NRXN1: variants seen among roughly 807,000 people sequenced by gnomAD.
NRXN1 encodes the protein neurexin-1.
A neutral mutation model predicts 150.9 loss-of-function variants in NRXN1; 39 were observed. The ratio of observed to expected loss-of-function variants is 0.26; its 90% CI spans 0.20 to 0.34. The LOEUF (loss-of-function observed/expected upper bound fraction) is 0.34, where lower values mean the gene tolerates loss of function less well. Ranked by LOEUF, NRXN1 falls within the 10% of genes least tolerant of loss-of-function variation. NRXN1 has a pLI of 1.00. For missense variants in NRXN1, 1,815 were observed against 1,949.9 expected (o/e 0.93, Z 1.30); for synonymous variants, 924 against 757.0 (o/e 1.22, Z -3.62).
intron 19 of NRXN1, among the ~76,000 whole-genome samples, chr2:50,072,670 C>A (rs78526753): frequency 0.012 from 1,784 of 150,288 alleles, 48 homozygotes; most frequent in African/African-American, 0.042. Flanking sequence ...CAAAACTGAA[C>A]GAATGTCTTA....
Position 50,540,687 on chromosome 2 carries a change from G to A in NRXN1, c.1760-2051C>T, listed in dbSNP as rs866074799. Reference sequence around the variant, plus strand: ...TCTTTTTTTTTTTCTTTCTGAGACAGAGTCTTACTCTGTCACACAAGCTGG... The same window carrying A: ...TCTTTTTTTTTTTCTTTCTGAGACAAAGTCTTACTCTGTCACACAAGCTGG... On this transcript the variant is annotated intron_variant, in intron 9 of 22. Transcript: ENST00000401669. Among the ~76,000 whole-genome samples, 18 of 151,804 alleles carry A rather than the reference G, an allele frequency of 1.2e-4. No homozygotes were observed. The South Asian group carries it at 1.5e-3, about 12-fold the overall frequency.
chr2:50,693,102 T>C (rs1027622656), intron 5 of NRXN1, among the ~76,000 whole-genome samples: 2 of 152,150 alleles, frequency 1.3e-5, no homozygotes, highest in African/African-American at 4.8e-5. Context: ...ATTTTGCTGC[T>C]GAATGCTGAC....
chr2:50,013,410 C>G (rs1330478214), intron 21 of NRXN1, among the ~76,000 whole-genome samples: 1 of 151,468 alleles, frequency 6.6e-6, no homozygotes, highest in East Asian at 2.0e-4. Context: ...TAGGAAGAAT[C>G]TTAATTGACC....
chr2:50,630,587 T>C (rs551557466), intron 5 of NRXN1, among the ~76,000 whole-genome samples: 1 of 151,876 alleles, frequency 6.6e-6, no homozygotes, highest in Non-Finnish European at 1.5e-5. Flanking sequence ...TGTCCCCAGT[T>C]ACATGAAGAA....
intron 8 of NRXN1, among the ~76,000 whole-genome samples, chr2:50,606,250 GAAAAAAA>G (rs1203771076): frequency 2.6e-5 from 2 of 75,514 alleles, no homozygotes; most frequent in African/African-American, 1.0e-4. Flanking sequence ...CTCTGTTTCA[GAAAAAAA>G]AAAAAAAAAA....
intron 21 of NRXN1, among the ~76,000 whole-genome samples, chr2:50,033,653 T>C (rs77912219): frequency 8.5e-5 from 13 of 152,070 alleles, no homozygotes; most frequent in Admixed American, 2.6e-4. Flanking sequence ...AAAGAGCTTC[T>C]GCACAGCAAA....
At chr2:50,227,256 G>A (rs2064480697) in intron 18 of NRXN1, among the ~76,000 whole-genome samples, 1 of 151,700 alleles carries the variant, frequency 6.6e-6, no homozygotes, top group African/African-American at 2.4e-5. Flanking sequence ...ATTACTAAGT[G>A]TCCGTGTCTA....
intron 2 of NRXN1, among the ~76,000 whole-genome samples, chr2:51,023,169 C>T (rs1292863146): frequency 6.6e-6 from 1 of 152,118 alleles, no homozygotes; most frequent in Non-Finnish European, 1.5e-5. Context: ...AAAATGTTTC[C>T]TCTTTCTCCC....
chr2:50,264,222 C>T (rs1159161175), intron 17 of NRXN1, among the ~76,000 whole-genome samples: 1 of 151,858 alleles, frequency 6.6e-6, no homozygotes, highest in Non-Finnish European at 1.5e-5. Context: ...AACAGTGAAA[C>T]AGCTCTCTAC....
At chr2:50,379,000 G>A (rs2080734361) in intron 17 of NRXN1, among the ~76,000 whole-genome samples, 5 of 152,142 alleles carry the variant, frequency 3.3e-5, no homozygotes, top group African/African-American at 1.2e-4. Context: ...CCTTGGTCAT[G>A]GGTGTAGTCC....
chr2:50,243,696 T>C (rs1165900472), intron 17 of NRXN1, among the ~76,000 whole-genome samples: 1 of 151,766 alleles, frequency 6.6e-6, no homozygotes, highest in Non-Finnish European at 1.5e-5. Flanking sequence ...ACTCATTAGG[T>C]GTTAACAATT....
chr2:50,516,222 A>T (rs1361444167), intron 12 of NRXN1, among the ~76,000 whole-genome samples: 1 of 152,176 alleles, frequency 6.6e-6, no homozygotes, highest in Non-Finnish European at 1.5e-5. Context: ...GTCCATTGCA[A>T]ATAAAAATGT....
intron 18 of NRXN1, among the ~76,000 whole-genome samples, chr2:50,113,328 C>A (rs1418688189): frequency 6.6e-6 from 1 of 152,122 alleles, no homozygotes; most frequent in African/African-American, 2.4e-5. Flanking sequence ...TCTCTTCTGC[C>A]TTGCAGGACT....
chr2:50,138,663 T>A (rs1182466530), intron 18 of NRXN1, among the ~76,000 whole-genome samples: 2 of 152,202 alleles, frequency 1.3e-5, no homozygotes, highest in Non-Finnish European at 2.9e-5. Context: ...CTTTCTCAAT[T>A]AGTTTTAATT....
chr2:50,452,627 C>A (rs990408194), intron 17 of NRXN1, among the ~76,000 whole-genome samples: 1 of 152,072 alleles, frequency 6.6e-6, no homozygotes, highest in Non-Finnish European at 1.5e-5. Context: ...AAACTGGAAT[C>A]AATTTGTTTA....
chr2:50,103,537 G>A (rs1701249591), intron 18 of NRXN1, among the ~76,000 whole-genome samples: 1 of 151,846 alleles, frequency 6.6e-6, no homozygotes, highest in Non-Finnish European at 1.5e-5. Context: ...ATGAGACGAA[G>A]GATTCTCTAT....
chr2:50,240,066 A>G (rs1454910466), intron 17 of NRXN1, among the ~76,000 whole-genome samples: 1 of 151,510 alleles, frequency 6.6e-6, no homozygotes, highest in Non-Finnish European at 1.5e-5. Flanking sequence ...TCACAATACA[A>G]ATACCATTAC....
intron 5 of NRXN1, among the ~76,000 whole-genome samples, chr2:50,748,134 G>T (rs1341838646): frequency 6.6e-6 from 1 of 152,174 alleles, no homozygotes; most frequent in East Asian, 1.9e-4. Context: ...GCAGAGTTTA[G>T]TGCGATATCA....
intron 1 of NRXN1, among the ~76,000 whole-genome samples, chr2:51,031,300 C>T (rs1461395909): frequency 6.6e-6 from 1 of 152,106 alleles, no homozygotes; most frequent in Non-Finnish European, 1.5e-5. Context: ...CATCATTAAT[C>T]TTTTCTTTCA....
Sources: gnomAD v4.1 joint callset for allele counts (sites outside exome capture counted in the v4.1 genomes callset) on GRCh38, gnomAD v4.1.1 for gene constraint, MANE v1.5 for transcripts, NCBI Gene and HGNC (gene_info 2026-07-23, HGNC 2026-07-21) for gene names.